RO60: variants seen among roughly 807,000 people sequenced by gnomAD.
The protein encoded by RO60 is RNA-binding protein RO60.
A neutral mutation model predicts 55.3 loss-of-function variants in RO60; 20 were observed. The ratio of observed to expected loss-of-function variants is 0.36; its 90% CI spans 0.25 to 0.53. The LOEUF (loss-of-function observed/expected upper bound fraction) is 0.53, where lower values mean the gene tolerates loss of function less well. RO60 is among the 20% of genes least tolerant of loss of function. The pLI, the probability that RO60 is intolerant of heterozygous loss-of-function variation, is 0.92. For missense variants in RO60, 558 were observed against 646.6 expected, an observed-to-expected ratio of 0.86 and a Z score of 1.49; for synonymous variants, 213 against 213.6, an observed-to-expected ratio of 1.00 and a Z score of 0.02.
In RO60 at chr1:193,059,916, C is replaced by T. The variant is rs41265201; in HGVS notation, c.-22+140C>T. 1.1e-5 allele frequency: 15 copies of T among 1,365,942 alleles called. No individual in the cohort carries two copies. The highest frequency in any genetic ancestry group is 5.7e-5 in the South Asian group (5 of 87,918). The allele number at this position is 1,365,942 out of a possible 1,614,324, so 84.6% of individuals were successfully genotyped here. ...ACGCCGCGAAACTATCGCTCTTCCC[C>T]GTCCCGCTTCCGCGCCTGTCCACCC... On this transcript the variant is annotated intron_variant, in intron 1 of 8. Transcript: ENST00000400968. This position sits in a 1 kb window ranked among gnomAD's most constrained non-coding sequence, Gnocchi z 4.9.
intron 1 of RO60, among the ~76,000 whole-genome samples, chr1:193,064,501 T>C (rs1672984236): frequency 6.6e-6 from 1 of 152,234 alleles, no homozygotes; most frequent in South Asian, 2.1e-4. Context: ...TTTGAGTTTA[T>C]GTGTGTATCA....
intron 1 of RO60, among the ~76,000 whole-genome samples, chr1:193,068,529 C>A (rs1673268095): frequency 6.6e-6 from 1 of 152,206 alleles, no homozygotes; most frequent in Non-Finnish European, 1.5e-5. Context: ...TTACACAATT[C>A]TTCAGGGAGT....
chr1:193,065,622 T>C (rs142099537), intron 1 of RO60, among the ~76,000 whole-genome samples: 40 of 152,122 alleles, frequency 2.6e-4, no homozygotes, highest in Admixed American at 1.4e-3. Context: ...TTGAGAAGCA[T>C]GTTAGTCTTC....
Position 193,069,509 on chromosome 1 carries a change from T to C in RO60, c.455T>C (p.Ile152Thr). Residue 152 changes from isoleucine (I) to threonine (T), a missense_variant, in exon 2 of 9, where the codon ATA (isoleucine) becomes ACA (threonine). Physicochemically the swap from Ile to Thr is moderately conservative, Grantham distance 89. Coordinates refer to ENST00000400968, the MANE Select transcript of RO60 (RefSeq NM_001173524.2). ...GMWGRALRKAIADWYNEKGGM... is the reference protein window; with the variant it reads ...GMWGRALRKATADWYNEKGGM... ...TGGGGTCGTGCCCTCCGGAAGGCTA[T>C]AGCGGACTGGTACAATGAGAAAGGT... The C allele has an allele frequency of 6.2e-7, 1 of 1,614,206 alleles. No individual in the cohort carries two copies. The highest frequency in any genetic ancestry group is 1.3e-5 in the African/African-American group (1 of 75,052).
rs939077157 is a variant in RO60, at chr1:193,087,547, A to T, written c.*2816A>T. 5.3e-5 allele frequency: 8 copies of T among 152,096 alleles called. No individual in the cohort carries two copies. Among genetic ancestry groups the T allele is most frequent in the Non-Finnish European group, 1.0e-4 (7 of 68,000 alleles). The allele number at this position is 152,096 out of a possible 1,614,324, so 9.4% of individuals were successfully genotyped here. ...AGTGAGGCAAGATGCTAGTGAATGG[A>T]ATTTAGTGTTACCCTTTGACACCTC... On this transcript the variant is annotated 3_prime_UTR_variant, in exon 9 of 9. Coordinates refer to ENST00000400968, the MANE Select transcript of RO60 (RefSeq NM_001173524.2).
intron 1 of RO60, among the ~76,000 whole-genome samples, chr1:193,066,783 G>A (rs1405771918): frequency 6.6e-6 from 1 of 152,230 alleles, no homozygotes; most frequent in Admixed American, 6.5e-5. Flanking sequence ...AGTTATGACC[G>A]TATCTGTCAA....
At position 193,084,991 on chromosome 1, in the gene RO60, A is replaced by G. The variant is rs1449544489; in HGVS notation, c.*260A>G. 1.5e-5 allele frequency: 23 copies of G among 1,544,682 alleles called. No homozygotes were observed. Among genetic ancestry groups the G allele is most frequent in the Admixed American group, 2.0e-5 (1 of 49,928 alleles). On this transcript the variant is annotated 3_prime_UTR_variant, in exon 9 of 9. Transcript: ENST00000400968. ...AATAGAGAACTTTTTGTTAACAGAC[A>G]CTGTAAAATAGTTTTGCTTTGTTGA...
At chr1:193,080,432 G>A (rs1674230724) in intron 5 of RO60, among the ~76,000 whole-genome samples, 2 of 152,156 alleles carry the variant, frequency 1.3e-5, no homozygotes, top group Admixed American at 1.3e-4. Context: ...CAAAAGAATT[G>A]TAAACAGGTA....
chr1:193,076,581 T>G lies in RO60; in HGVS notation c.882T>G (p.Leu294=). 6.2e-7 allele frequency: 1 copy of G among 1,611,666 alleles called. No homozygotes were observed. The highest frequency in any genetic ancestry group is 8.5e-7 in the Non-Finnish European group (1 of 1,179,070). ...NLGKMTANSV[L]EPGNSEVSLV... Reference sequence around the variant, plus strand: ...GAAAGATGACTGCTAATTCAGTACTTGAACCAGGAAATTCAGAAGTATCTT... The same window carrying G: ...GAAAGATGACTGCTAATTCAGTACTGGAACCAGGAAATTCAGAAGTATCTT... Residue 294 remains leucine, a synonymous_variant, in exon 4 of 9, where the codon CTT becomes CTG. Coordinates refer to ENST00000400968, the MANE Select transcript of RO60 (RefSeq NM_001173524.2).
At chr1:193,081,948 A>G (rs1674343826) in intron 6 of RO60, among the ~76,000 whole-genome samples, 1 of 152,176 alleles carries the variant, frequency 6.6e-6, no homozygotes. Context: ...TTTATTTCTT[A>G]TCTAATGAAA....
intron 2 of RO60, among the ~76,000 whole-genome samples, chr1:193,074,487 GTGA>G (rs1332121647): frequency 6.6e-6 from 1 of 152,210 alleles, no homozygotes; most frequent in Admixed American, 6.5e-5. Flanking sequence ...CTGATGGCCA[GTGA>G]TGATGAGCAT....
Position 193,085,796 on chromosome 1 carries a change from A to G in RO60, c.*1065A>G, listed in dbSNP as rs114472181. The stretch of plus-strand genomic sequence containing the variant: ...TCTTTGATAGTGTAAACAAATAATA[A>G]AGCAATCTAGGTCCTTTAGGTTTGA... On this transcript the variant is annotated 3_prime_UTR_variant, in exon 9 of 9. Transcript: ENST00000400968. 11,839 of 985,086 alleles carry G rather than the reference A, an allele frequency of 0.012. 98 individuals are homozygous for G. The highest frequency in any genetic ancestry group is 0.039 in the South Asian group (830 of 21,288). 61.0% of individuals were successfully genotyped at this position (985,086 alleles called of 1,614,324 possible). A position where few individuals can be genotyped will look rare whatever the true frequency, so the allele number is the denominator to read the frequency against.
intron 1 of RO60, among the ~76,000 whole-genome samples, chr1:193,066,505 T>C (rs1673118184): frequency 6.6e-6 from 1 of 152,234 alleles, no homozygotes; most frequent in African/African-American, 2.4e-5. Context: ...TCTAGCCTTT[T>C]ATTTACTTTT....
Position 193,069,129 on chromosome 1 carries a change from G to A in RO60, c.75G>A (p.Trp25Ter). ...CCAATTCTCAGGATGGATATGTATG[G>A]CAAGTCACTGACATGAATCGACTAC... ...QIANSQDGYV[W>*]QVTDMNRLHR... Residue 25 changes from tryptophan to a stop codon, truncating the protein, a stop_gained, in exon 2 of 9, where the codon TGG becomes TGA. Transcript: ENST00000400968. LOFTEE classifies it high-confidence loss of function. 6.2e-7 allele frequency: 1 copy of A among 1,614,152 alleles called. No individual in the cohort carries two copies. Among genetic ancestry groups the A allele is most frequent in the South Asian group, 1.1e-5 (1 of 91,086 alleles).
chr1:193,073,548 ACTCT>A (rs771785681), intron 2 of RO60, among the ~76,000 whole-genome samples: 9 of 151,520 alleles, frequency 5.9e-5, no homozygotes, highest in African/African-American at 2.2e-4. Flanking sequence ...CACCCTAACA[ACTCT>A]CTATTACATC....
intron 8 of RO60, 83 bp from the exon 9 acceptor site, chr1:193,084,496 A>T: frequency 7.1e-7 from 1 of 1,414,816 alleles, no homozygotes; most frequent in South Asian, 1.5e-5. Context: ...TGGTAGAGAA[A>T]TGTTAAAGTG....
rs1003098239 is a variant in RO60, at chr1:193,085,148, G to A, written c.*417G>A. On this transcript the variant is annotated 3_prime_UTR_variant, in exon 9 of 9. Transcript: ENST00000400968. The stretch of plus-strand genomic sequence containing the variant: ...AGCTTTGATAATGTCCAAATACTCT[G>A]AAATGCACTAGACCATATAACTGTG... 8 of 1,372,882 alleles carry A rather than the reference G, an allele frequency of 5.8e-6. No homozygotes were observed. In the African/African-American group the frequency reaches 1.0e-4, roughly 17 times the overall value. The allele number at this position is 1,372,882 out of a possible 1,614,324, so 85.0% of individuals were successfully genotyped here. A position where few individuals can be genotyped will look rare whatever the true frequency, so the allele number is the denominator to read the frequency against.
At position 193,088,859 on chromosome 1, in the gene RO60, C is replaced by G. The variant is rs556424651; in HGVS notation, c.*4128C>G. 1.2e-4 allele frequency: 19 copies of G among 152,212 alleles called. No individual in the cohort carries two copies. Among genetic ancestry groups the G allele is most frequent in the South Asian group, 8.3e-4 (4 of 4,816 alleles). 9.4% of individuals were successfully genotyped at this position (152,212 alleles called of 1,614,324 possible). On this transcript the variant is annotated 3_prime_UTR_variant, in exon 9 of 9. Coordinates refer to ENST00000400968, the MANE Select transcript of RO60 (RefSeq NM_001173524.2). The stretch of plus-strand genomic sequence containing the variant: ...TCATCTCTTATTTGTTGGAAGATTA[C>G]TTTTCTACCTCTTTTTTTTCTTTTA...
At chr1:193,078,646 A>G (rs1019466409) in intron 5 of RO60, among the ~76,000 whole-genome samples, 5 of 152,220 alleles carry the variant, frequency 3.3e-5, no homozygotes, top group Non-Finnish European at 7.4e-5. Flanking sequence ...TCATCAAAAA[A>G]TAAAAGACAG....
Sources: allele counts gnomAD v4.1 joint callset (sites outside exome capture counted in the v4.1 genomes callset), GRCh38; gene constraint gnomAD v4.1.1; non-coding constraint Gnocchi (gnomAD v3.1); transcripts MANE v1.5; gene names NCBI Gene and HGNC (gene_info 2026-07-23, HGNC 2026-07-21).